The following INPP5F variants were observed in gnomAD, a reference collection of about 807,000 sequenced individuals.
INPP5F encodes phosphatidylinositide 4-phosphatase SAC2.
INPP5F carries 97 observed loss-of-function variants against 137.2 expected under a neutral mutation model. The observed-to-expected ratio is 0.71, with a 90% confidence interval of 0.60 to 0.84. The LOEUF (loss-of-function observed/expected upper bound fraction) is 0.84, where lower values mean the gene tolerates loss of function less well. Ranked by LOEUF, INPP5F falls within the 40% of genes least tolerant of loss-of-function variation. The probability of loss-of-function intolerance (pLI) is 0.00; values close to 1 mark genes in which losing one functional copy is unlikely to be tolerated. For missense variants in INPP5F, 1,271 were observed against 1,371.9 expected, an observed-to-expected ratio of 0.93 and a Z score of 1.16; for synonymous variants, 504 against 476.9, an observed-to-expected ratio of 1.06 and a Z score of -0.74.
chr10:119,795,962 C>T (rs1850363776), intron 6 of INPP5F, among the ~76,000 whole-genome samples: 1 of 151,948 alleles, frequency 6.6e-6, no homozygotes, highest in Non-Finnish European at 1.5e-5. Context: ...CCTGCAATCG[C>T]AGGCACTCGG....
intron 2 of INPP5F, among the ~76,000 whole-genome samples, chr10:119,756,975 A>G (rs1362315330): frequency 6.6e-6 from 1 of 151,958 alleles, no homozygotes; most frequent in Non-Finnish European, 1.5e-5. Flanking sequence ...AGACATTTGC[A>G]GGCAGGTGGA....
At chr10:119,739,188 A>G (rs540867786) in intron 1 of INPP5F, among the ~76,000 whole-genome samples, 9 of 150,334 alleles carry the variant, frequency 6.0e-5, no homozygotes, top group South Asian at 2.1e-4. Context: ...TCTCAAGGGG[A>G]AAAAAAAAAT....
rs1350665724 is a variant in INPP5F, at chr10:119,826,634, G to A, written c.2253G>A (p.Lys751=). ...TTTTTTCTCTTCTAATTTGTAGGAA[G>A]AGCAGTAAACCTCACGAAGACATCA... ...LPIIEKKLER[K]SSKPHEDIIG... The change falls in exon 20 of 20, where the codon AAG becomes AAA. Residue 751 remains lysine, a synonymous_variant. Coordinates refer to ENST00000650623, the MANE Select transcript of INPP5F (RefSeq NM_014937.4). 2 of 1,568,512 alleles carry A rather than the reference G, an allele frequency of 1.3e-6. No homozygotes were observed. Among genetic ancestry groups the A allele is most frequent in the African/African-American group, 2.8e-5 (2 of 72,342 alleles).
In INPP5F at chr10:119,784,086, T is replaced by C. The variant is rs77613063; in HGVS notation, c.315+2315T>C. 2.5e-3 allele frequency among the ~76,000 whole-genome samples: 382 copies of C among 152,376 alleles called. 1 individual carries two copies. The highest frequency in any genetic ancestry group is 8.8e-3 in the African/African-American group (364 of 41,598). ...ACAACAGGAAGGGCAAAGAACCACA[T>C]GTTGAAAATCACAACTTTATTATCT... On this transcript the variant is annotated intron_variant, in intron 3 of 19. Coordinates refer to ENST00000650623, the MANE Select transcript of INPP5F (RefSeq NM_014937.4).
rs918125034 is a variant in INPP5F, at chr10:119,810,158, A to G, written c.1628A>G (p.Asn543Ser). ...GCAGGAGTTATGAAAGATGGAGTGA[A>G]CTCAGCAAACAGATATTACCTCAAC... ...KLAGVMKDGV[N>S]SANRYYLNRF... Residue 543 changes from asparagine (N) to serine (S), a missense_variant, in exon 14 of 20, where the codon AAC (asparagine) becomes AGC (serine). By Grantham distance (46) the Asn-to-Ser change is conservative (BLOSUM62 1). Transcript: ENST00000650623. 3 of 1,613,490 alleles carry G rather than the reference A, an allele frequency of 1.9e-6. No individual in the cohort carries two copies. Among genetic ancestry groups the G allele is most frequent in the Non-Finnish European group, 1.7e-6 (2 of 1,179,546 alleles).
intron 6 of INPP5F, among the ~76,000 whole-genome samples, chr10:119,795,030 AC>A (rs1444660024): frequency 1.2e-5 from 1 of 85,746 alleles, no homozygotes. Context: ...CGGGGGGCTG[AC>A]CCCCCCACCT....
intron 15 of INPP5F, among the ~76,000 whole-genome samples, chr10:119,820,287 A>G (rs1432433459): frequency 6.6e-6 from 1 of 152,222 alleles, no homozygotes; most frequent in East Asian, 1.9e-4. Context: ...GGAATAAGGA[A>G]GTGTTTGTTT....
At chr10:119,820,820 T>C in intron 15 of INPP5F, 26 bp from the exon 16 acceptor site, 1 of 1,554,910 alleles carries the variant, frequency 6.4e-7, no homozygotes, top group Non-Finnish European at 8.9e-7. Flanking sequence ...TGAAAATACT[T>C]AATCTCCTGT....
At chr10:119,747,368 C>T (rs1213020928) in intron 1 of INPP5F, among the ~76,000 whole-genome samples, 8 of 151,562 alleles carry the variant, frequency 5.3e-5, no homozygotes, top group Non-Finnish European at 7.4e-5. Context: ...ATTACAGGCA[C>T]GCACCACCAC....
chr10:119,790,196 G>T (rs1207190781), intron 3 of INPP5F, among the ~76,000 whole-genome samples: 3 of 151,984 alleles, frequency 2.0e-5, no homozygotes, highest in Non-Finnish European at 4.4e-5. Context: ...GAGGAGGATG[G>T]GCCTGTGTGC....
At chr10:119,796,691 A>G in intron 6 of INPP5F, 24 bp from the exon 7 acceptor site, 2 of 1,572,552 alleles carry the variant, frequency 1.3e-6, no homozygotes, top group Non-Finnish European at 1.8e-6. Flanking sequence ...AATAGAAACG[A>G]TATCATGTTC....
At chr10:119,730,082 A>G (rs1190985274) in intron 1 of INPP5F, among the ~76,000 whole-genome samples, 1 of 151,974 alleles carries the variant, frequency 6.6e-6, no homozygotes, top group Non-Finnish European at 1.5e-5. Flanking sequence ...GTCTGTTGTA[A>G]GATAATGACT....
chr10:119,782,185 A>G (rs1302905151), intron 3 of INPP5F, among the ~76,000 whole-genome samples: 3 of 152,226 alleles, frequency 2.0e-5, no homozygotes, highest in African/African-American at 7.2e-5. Flanking sequence ...CTAAGCATAT[A>G]TTACTCTATT....
intron 6 of INPP5F, among the ~76,000 whole-genome samples, chr10:119,795,902 C>G (rs1406651348): frequency 6.6e-6 from 1 of 152,188 alleles, no homozygotes; most frequent in Non-Finnish European, 1.5e-5. Flanking sequence ...ACGGGGAAAC[C>G]CCGTCTCCAC....
chr10:119,799,698 G>A (rs1341476376), intron 9 of INPP5F, among the ~76,000 whole-genome samples: 1 of 152,154 alleles, frequency 6.6e-6, no homozygotes, highest in Non-Finnish European at 1.5e-5. Context: ...TACTTATACT[G>A]CTTAGCCCAG....
At chr10:119,775,253 A>G (rs1451097127) in intron 2 of INPP5F, among the ~76,000 whole-genome samples, 6 of 152,102 alleles carry the variant, frequency 3.9e-5, no homozygotes, top group South Asian at 4.1e-4. Context: ...ATTATCAAAT[A>G]TAATTCTTTT....
At chr10:119,764,975 C>G (rs751232341) in intron 2 of INPP5F, among the ~76,000 whole-genome samples, 1 of 151,548 alleles carries the variant, frequency 6.6e-6, no homozygotes, top group Non-Finnish European at 1.5e-5. Flanking sequence ...TCTTGTCGCC[C>G]AGACTGGAGT....
intron 19 of INPP5F, chr10:119,825,890 T>A (rs1851738479): frequency 7.5e-6 from 3 of 398,308 alleles, no homozygotes; most frequent in South Asian, 2.5e-4. Context: ...GATCCAACAG[T>A]ACAAATGCAC....
At chr10:119,746,141 C>T (rs761450897) in intron 1 of INPP5F, among the ~76,000 whole-genome samples, 13 of 152,168 alleles carry the variant, frequency 8.5e-5, no homozygotes, top group Non-Finnish European at 1.3e-4. Flanking sequence ...ATCATCTTAA[C>T]GTGATACAGT....
Sources: allele counts gnomAD v4.1 joint callset (sites outside exome capture counted in the v4.1 genomes callset), GRCh38; gene constraint gnomAD v4.1.1; transcripts MANE v1.5; gene names NCBI Gene and HGNC (gene_info 2026-07-23, HGNC 2026-07-21).